Variants in MLANA observed in about 807,000 individuals in gnomAD.
The protein encoded by MLANA is melan-A.
A neutral mutation model predicts 15.7 loss-of-function variants in MLANA; 21 were observed. The observed-to-expected ratio is 1.33, with a 90% confidence interval of 0.95 to 1.92. The LOEUF (loss-of-function observed/expected upper bound fraction) is 1.92, where lower values mean the gene tolerates loss of function less well. MLANA is among the 40% of genes most tolerant of loss of function. The pLI, the probability that MLANA is intolerant of heterozygous loss-of-function variation, is 0.00. For missense variants in MLANA, 164 were observed against 143.8 expected (o/e 1.14, Z -0.72); for synonymous variants, 56 against 51.5 (o/e 1.09, Z -0.37).
At chr9:5,891,355 T>C (rs1299610688) in intron 1 of MLANA, 1 of 152,210 alleles carries the variant, frequency 6.6e-6, no homozygotes, top group East Asian at 1.9e-4. Context: ...CATTCTGTCA[T>C]TTTGAACACA....
chr9:5,891,041 T>G (rs1490292058), intron 1 of MLANA, 105 bp downstream of exon 1: 2 of 152,204 alleles, frequency 1.3e-5, no homozygotes, highest in African/African-American at 4.8e-5. Flanking sequence ...CCCGCTGATG[T>G]GTGACATCAA....
At position 5,897,550 on chromosome 9, in the gene MLANA, G is replaced by C. The variant is rs1832110806; in HGVS notation, c.78-7G>C. 2 of 1,613,064 alleles carry C rather than the reference G, an allele frequency of 1.2e-6. No individual in the cohort carries two copies. Among genetic ancestry groups the C allele is most frequent in the African/African-American group, 1.3e-5 (1 of 74,928 alleles). ...GACAAAGTGGATTTGTCTATCTCTTGGGCCAGGGCCGCTGGGATCGGCATC... is the reference window on the plus strand; with the variant it reads ...GACAAAGTGGATTTGTCTATCTCTTCGGCCAGGGCCGCTGGGATCGGCATC... On this transcript the variant is annotated splice_region_variant and splice_polypyrimidine_tract_variant and intron_variant, in intron 2 of 4. Transcript: ENST00000381477.
In MLANA at chr9:5,905,507, T is replaced by A. The variant is rs187631018; in HGVS notation, c.175-1378T>A. ...TCATGCCCTTCAAACCATAAAAAAA[T>A]TTTTTTTTAATTAACCCCATATAAT... is the stretch of plus-strand genomic sequence containing the variant. On this transcript the variant is annotated intron_variant, in intron 3 of 4. Transcript: ENST00000381477. 6.4e-3 allele frequency among the ~76,000 whole-genome samples: 970 copies of A among 151,944 alleles called. 3 individuals carry two copies. Among genetic ancestry groups the A allele is most frequent in the Non-Finnish European group, 9.1e-3 (616 of 67,978 alleles).
intron 3 of MLANA, among the ~76,000 whole-genome samples, chr9:5,904,674 T>C (rs1360368046): frequency 2.0e-5 from 3 of 152,182 alleles, no homozygotes; most frequent in East Asian, 1.9e-4. Context: ...GGTTTCATCA[T>C]GTTGGCCAGG....
Position 5,909,097 on chromosome 9 carries a change from T to C in MLANA, c.*389T>C, listed in dbSNP as rs371936965. On this transcript the variant is annotated 3_prime_UTR_variant, in exon 5 of 5. Coordinates refer to ENST00000381477, the MANE Select transcript of MLANA (RefSeq NM_005511.2). The stretch of plus-strand genomic sequence containing the variant: ...TTTTCGAACCTTGACCGACATGAAC[T>C]GTACACAGAATTGTTCCAGTACTAT... 90 of 252,854 alleles carry C rather than the reference T, an allele frequency of 3.6e-4. No homozygotes were observed. The highest frequency in any genetic ancestry group is 1.9e-3 in the African/African-American group (82 of 43,756). 15.7% of individuals were successfully genotyped at this position (252,854 alleles called of 1,614,324 possible). A position where few individuals can be genotyped will look rare whatever the true frequency, so the allele number is the denominator to read the frequency against.
At chr9:5,904,743 G>T (rs1832685721) in intron 3 of MLANA, among the ~76,000 whole-genome samples, 1 of 150,710 alleles carries the variant, frequency 6.6e-6, no homozygotes, top group Admixed American at 6.6e-5. Flanking sequence ...AGGATTACAG[G>T]CGTGAGCCAC....
At position 5,905,594 on chromosome 9, in the gene MLANA, C is replaced by T. The variant is rs73395391; in HGVS notation, c.175-1291C>T. On this transcript the variant is annotated intron_variant, in intron 3 of 4. Coordinates refer to ENST00000381477, the MANE Select transcript of MLANA (RefSeq NM_005511.2). ...ACATGACAGATTGCAGACTCCCTTACCTTAAGCATTCCTTTATACTGACTT... is the reference window on the plus strand; with the variant it reads ...ACATGACAGATTGCAGACTCCCTTATCTTAAGCATTCCTTTATACTGACTT... Among the ~76,000 whole-genome samples the T allele has an allele frequency of 9.0e-3, 1,370 of 152,320 alleles. 20 individuals are homozygous for T. Among genetic ancestry groups the T allele is most frequent in the African/African-American group, 0.031 (1,278 of 41,576 alleles).
Position 5,909,640 on chromosome 9 carries a change from A to C in MLANA, c.*932A>C, listed in dbSNP as rs1369123422. On this transcript the variant is annotated 3_prime_UTR_variant, in exon 5 of 5. Transcript: ENST00000381477. ...CTCAATGCTATTCTAACTAATGACA[A>C]GTATTTTCTACTAAACCAGAAATTG... The C allele has an allele frequency of 6.6e-6, 1 of 152,260 alleles. No homozygotes were observed. Among genetic ancestry groups the C allele is most frequent in the African/African-American group, 2.4e-5 (1 of 41,470 alleles). 9.4% of individuals were successfully genotyped at this position (152,260 alleles called of 1,614,324 possible). A position where few individuals can be genotyped will look rare whatever the true frequency, so the allele number is the denominator to read the frequency against.
intron 3 of MLANA, among the ~76,000 whole-genome samples, chr9:5,900,296 GGTT>G (rs1832329518): frequency 2.6e-5 from 4 of 151,930 alleles, no homozygotes; most frequent in African/African-American, 9.7e-5. Context: ...TTAGATCAGT[GGTT>G]TGTAGTTTCT....
chr9:5,902,285 G>A (rs1291494513), intron 3 of MLANA, among the ~76,000 whole-genome samples: 3 of 152,116 alleles, frequency 2.0e-5, no homozygotes, highest in Non-Finnish European at 4.4e-5. Flanking sequence ...TCAAATTTGT[G>A]AGCATAGTTC....
chr9:5,898,807 C>T lies in MLANA; in HGVS notation c.174+1154C>T, dbSNP rs992533849. The T allele has an allele frequency of 2.6e-5, 4 of 152,340 alleles. No homozygotes were observed. In the East Asian group the frequency reaches 7.7e-4, roughly 29 times the overall value. 9.4% of individuals were successfully genotyped at this position (152,340 alleles called of 1,614,324 possible). ...CAAGTTCTTCTGACTCTACACTAAG[C>T]ATCCCAGGATATCATCAGTGCGATG... On this transcript the variant is annotated intron_variant, in intron 3 of 4. Transcript: ENST00000381477.
At chr9:5,907,751 G>A (rs915032624) in intron 4 of MLANA, among the ~76,000 whole-genome samples, 3 of 152,270 alleles carry the variant, frequency 2.0e-5, no homozygotes, top group East Asian at 1.9e-4. Context: ...TCAGGAGCTC[G>A]AGACCAGCCT....
At chr9:5,905,542 T>A (rs1390186580) in intron 3 of MLANA, among the ~76,000 whole-genome samples, 1 of 152,238 alleles carries the variant, frequency 6.6e-6, no homozygotes, top group Admixed American at 6.5e-5. Flanking sequence ...TGTGGTATAC[T>A]TTCCAAACTG....
chr9:5,904,325 T>C (rs1178221961), intron 3 of MLANA, among the ~76,000 whole-genome samples: 1 of 152,250 alleles, frequency 6.6e-6, no homozygotes, highest in African/African-American at 2.4e-5. Flanking sequence ...TATAGTTGGA[T>C]TGATATCTAC....
rs560795480 is a variant in MLANA at position 5,908,873 on chromosome 9, A to C, written c.*165A>C. On this transcript the variant is annotated 3_prime_UTR_variant, in exon 5 of 5. Transcript: ENST00000381477. ...TTTTAGTAGGTCCGCTAGCAGTACT[A>C]ATCATGTGAGGAAATGATGAGAAAT... 133 of 603,964 alleles carry C rather than the reference A, an allele frequency of 2.2e-4. 2 individuals carry two copies. In the Admixed American group the frequency reaches 3.7e-3, roughly 17 times the overall value. 37.4% of individuals were successfully genotyped at this position (603,964 alleles called of 1,614,324 possible).
intron 3 of MLANA, among the ~76,000 whole-genome samples, chr9:5,900,070 A>T (rs1172245094): frequency 6.6e-6 from 1 of 152,266 alleles, no homozygotes; most frequent in Non-Finnish European, 1.5e-5. Context: ...AAAGCTATAC[A>T]AACTCAATAT....
At chr9:5,893,193 A>T (rs1018942630) in intron 2 of MLANA, among the ~76,000 whole-genome samples, 1 of 152,240 alleles carries the variant, frequency 6.6e-6, no homozygotes, top group Non-Finnish European at 1.5e-5. Context: ...GCATGAGATT[A>T]ATTTCAGCAA....
In MLANA at chr9:5,906,993, C is replaced by T; in HGVS notation, c.283C>T (p.Pro95Ser). The part of the protein sequence containing the change: ...KVSLQEKNCE[P>S]VVPNAPPAYE... ...GTCTCTTCAAGAGAAAAACTGTGAA[C>T]CTGTGGTAGGTTAAGATCCTTCATA... Residue 95 changes from proline to serine, a missense_variant, in exon 4 of 5, where the codon CCT (proline) becomes TCT (serine). Coordinates refer to ENST00000381477, the MANE Select transcript of MLANA (RefSeq NM_005511.2). The T allele has an allele frequency of 1.3e-6, 2 of 1,587,680 alleles. No homozygotes were observed. Among genetic ancestry groups the T allele is most frequent in the Non-Finnish European group, 1.7e-6 (2 of 1,169,656 alleles).
intron 4 of MLANA, among the ~76,000 whole-genome samples, 189 bp from the exon 5 acceptor site, chr9:5,908,451 G>GC (rs1348075563): frequency 6.6e-6 from 1 of 151,970 alleles, no homozygotes; most frequent in African/African-American, 2.4e-5. Context: ...CTCTACTCTT[G>GC]CCCCCAACAA....
Sources: allele counts gnomAD v4.1 joint callset (sites outside exome capture counted in the v4.1 genomes callset), GRCh38; gene constraint gnomAD v4.1.1; transcripts MANE v1.5; gene names NCBI Gene and HGNC (gene_info 2026-07-23, HGNC 2026-07-21).